Variants in ABR observed in about 807,000 individuals in gnomAD.
ABR encodes the protein active breakpoint cluster region-related protein.
Under a neutral mutation model 107.2 loss-of-function variants are expected in ABR, and 35 were observed. That is an observed-to-expected ratio of 0.33 (90% CI 0.25 to 0.43). The LOEUF (loss-of-function observed/expected upper bound fraction) is 0.43, where lower values mean the gene tolerates loss of function less well. Ranked by LOEUF, ABR falls within the 20% of genes least tolerant of loss-of-function variation. The pLI is 1.00. For missense variants in ABR, 815 were observed against 1,115.2 expected (o/e 0.73, Z 3.83); for synonymous variants, 498 against 462.0 (o/e 1.08, Z -1.00).
Position 1,010,537 on chromosome 17 carries a change from G to C in ABR, c.2236+192C>G. On this transcript the variant is annotated intron_variant, in intron 20 of 22. Transcript: ENST00000302538. The surrounding 1 kb of genome is among the most constrained non-coding windows in gnomAD (Gnocchi z 4.1). The stretch of plus-strand genomic sequence containing the variant: ...TCAGGGGCAAGAGGCAGGCGAGAAA[G>C]GGCCCAGTGTCTGCACCAGGTCCCA... The C allele has an allele frequency of 2.9e-6, 2 of 683,886 alleles. No homozygotes were observed. The highest frequency in any genetic ancestry group is 4.8e-6 in the Non-Finnish European group (2 of 417,970). 42.4% of individuals were successfully genotyped at this position (683,886 alleles called of 1,614,324 possible).
Position 1,005,088 on chromosome 17 carries a change from A to G in ABR, c.*992T>C, listed in dbSNP as rs937760853. 7 of 398,742 alleles carry G rather than the reference A, an allele frequency of 1.8e-5. No homozygotes were observed. The highest frequency in any genetic ancestry group is 6.2e-5 in the African/African-American group (3 of 48,638). 24.7% of individuals were successfully genotyped at this position (398,742 alleles called of 1,614,324 possible). On this transcript the variant is annotated 3_prime_UTR_variant, in exon 23 of 23. Transcript: ENST00000302538. ...TGCCTCCCCGCGACCCGGGACACCC[A>G]GCGTGGCATGTGCATTCCTCCCCCG...
rs548525947 is a variant in ABR at position 1,148,790 on chromosome 17, C to T, written c.62-23423G>A. Among the ~76,000 whole-genome samples the T allele has an allele frequency of 2.0e-5, 3 of 152,326 alleles. No individual in the cohort carries two copies. Among genetic ancestry groups the T allele is most frequent in the Middle Eastern group, 3.4e-3 (1 of 294 alleles). On this transcript the variant is annotated intron_variant, in intron 1 of 22. Transcript: ENST00000302538. This position sits in a 1 kb window ranked among gnomAD's most constrained non-coding sequence, Gnocchi z 4.9. ...AGCCAGGTGAGAGTTCCGGAGATGA[C>T]GGTGCTGATGGCCGCACCAGAGTGT...
chr17:1,209,338 G>T (rs2042858704), intron 1 of ABR, among the ~76,000 whole-genome samples: 1 of 151,728 alleles, frequency 6.6e-6, no homozygotes, highest in Non-Finnish European at 1.5e-5. Context: ...GTGCAGTGGT[G>T]TGATCTCGGC....
chr17:1,168,173 C>T (rs2041586480), intron 1 of ABR, among the ~76,000 whole-genome samples: 1 of 152,142 alleles, frequency 6.6e-6, no homozygotes, highest in Admixed American at 6.5e-5. Flanking sequence ...GTAATCCCAG[C>T]TACTCGGGAG....
At chr17:1,094,152 C>T (rs2037236148) in intron 3 of ABR, among the ~76,000 whole-genome samples, 1 of 152,242 alleles carries the variant, frequency 6.6e-6, no homozygotes, top group South Asian at 2.1e-4. Flanking sequence ...AACCAACGGC[C>T]CCTCGGTGTC....
At chr17:1,079,973 G>A (rs1218178025) in intron 5 of ABR, among the ~76,000 whole-genome samples, 1 of 151,892 alleles carries the variant, frequency 6.6e-6, no homozygotes, top group African/African-American at 2.4e-5. Context: ...AGATGAGAGA[G>A]GCTGGCAGGG....
rs1279352111 is a variant in ABR, at chr17:1,157,347, T to C, written c.61+22320A>G. Among the ~76,000 whole-genome samples, 1 of 150,060 alleles carries C rather than the reference T, an allele frequency of 6.7e-6. No individual in the cohort carries two copies. Among genetic ancestry groups the C allele is most frequent in the African/African-American group, 2.5e-5 (1 of 40,558 alleles). On this transcript the variant is annotated intron_variant, in intron 1 of 22. Transcript: ENST00000302538. This position sits in a 1 kb window ranked among gnomAD's most constrained non-coding sequence, Gnocchi z 4.7. The stretch of plus-strand genomic sequence containing the variant: ...CTCACTGCAACCTCCACCTCCCGGG[T>C]TCAAGTAATTCTCCTGCCTCAGCCT...
intron 10 of ABR, among the ~76,000 whole-genome samples, chr17:1,060,732 C>T (rs888555817): frequency 7.9e-5 from 12 of 152,142 alleles, no homozygotes; most frequent in Non-Finnish European, 1.8e-4. Flanking sequence ...GTGGCTCACA[C>T]CTGTCATCCC....
intron 3 of ABR, among the ~76,000 whole-genome samples, chr17:1,098,762 G>T (rs1476243184): frequency 3.3e-5 from 5 of 152,182 alleles, no homozygotes; most frequent in Admixed American, 3.3e-4. Flanking sequence ...CTCCTGGAGA[G>T]ATGGGACGTA....
chr17:1,081,388 G>T (rs916794217), intron 5 of ABR, among the ~76,000 whole-genome samples: 1 of 151,322 alleles, frequency 6.6e-6, no homozygotes, highest in Non-Finnish European at 1.5e-5. Context: ...CCAGCCACTT[G>T]ACTCCATGGA....
intron 1 of ABR, among the ~76,000 whole-genome samples, chr17:1,134,620 C>G (rs1314033408): frequency 2.0e-5 from 3 of 152,116 alleles, no homozygotes; most frequent in African/African-American, 7.2e-5. Context: ...GGAAGCGAGT[C>G]CAATCAGCAA....
intron 1 of ABR, among the ~76,000 whole-genome samples, chr17:1,211,875 G>C (rs2042909298): frequency 6.6e-6 from 1 of 152,112 alleles, no homozygotes; most frequent in Non-Finnish European, 1.5e-5. Context: ...GAGGTCGGGA[G>C]TTTGAGACCA....
At chr17:1,108,526 T>A (rs565664895) in intron 2 of ABR, among the ~76,000 whole-genome samples, 1 of 152,378 alleles carries the variant, frequency 6.6e-6, no homozygotes, top group Admixed American at 6.5e-5. Flanking sequence ...GCTCTTGCCC[T>A]TTGCAAACAC....
chr17:1,014,775 G>A (rs1455389723), intron 16 of ABR, among the ~76,000 whole-genome samples: 1 of 151,822 alleles, frequency 6.6e-6, no homozygotes, highest in Non-Finnish European at 1.5e-5. Flanking sequence ...GAACCCAGTA[G>A]GTGGAGGTTG....
intron 2 of ABR, chr17:1,109,121 G>A: frequency 1.3e-6 from 2 of 1,565,514 alleles, no homozygotes; most frequent in South Asian, 1.2e-5. Flanking sequence ...CGCAGCGGCG[G>A]CGGGAGGAGG....
chr17:1,147,798 C>T (rs1211968983), intron 1 of ABR, among the ~76,000 whole-genome samples: 1 of 152,220 alleles, frequency 6.6e-6, no homozygotes, highest in Non-Finnish European at 1.5e-5. Flanking sequence ...CCTGACAGTC[C>T]TTTCTCCTAA....
intron 8 of ABR, 47 bp downstream of exon 8, chr17:1,072,567 G>A: frequency 6.4e-7 from 1 of 1,559,542 alleles, no homozygotes; most frequent in Non-Finnish European, 8.7e-7. Flanking sequence ...CGAGGGACCT[G>A]ATACTTCTCA....
chr17:1,122,982 G>A (rs2039416341), intron 2 of ABR, among the ~76,000 whole-genome samples: 1 of 152,222 alleles, frequency 6.6e-6, no homozygotes, highest in African/African-American at 2.4e-5. Flanking sequence ...AGCCTGGTAG[G>A]GGAGGGGACC....
At chr17:1,018,912 T>A (rs906711874) in intron 16 of ABR, among the ~76,000 whole-genome samples, 1 of 151,898 alleles carries the variant, frequency 6.6e-6, no homozygotes, top group Non-Finnish European at 1.5e-5. Flanking sequence ...TTAACGAGAG[T>A]GAGGAATTTA....
Sources: allele counts gnomAD v4.1 joint callset (sites outside exome capture counted in the v4.1 genomes callset), GRCh38; gene constraint gnomAD v4.1.1; non-coding constraint Gnocchi (gnomAD v3.1); transcripts MANE v1.5; gene names NCBI Gene and HGNC (gene_info 2026-07-23, HGNC 2026-07-21).